The following DAB2IP variants were observed in gnomAD, a reference collection of about 807,000 sequenced individuals.
DAB2IP encodes the protein disabled homolog 2-interacting protein.
DAB2IP carries 28 observed loss-of-function variants against 107.2 expected under a neutral mutation model. The ratio of observed to expected loss-of-function variants is 0.26; its 90% CI spans 0.19 to 0.36. The LOEUF is 0.36. DAB2IP is among the 10% of genes least tolerant of loss of function. The probability of loss-of-function intolerance (pLI) is 1.00; values close to 1 mark genes in which losing one functional copy is unlikely to be tolerated. For synonymous variants in DAB2IP, 755 were observed against 706.4 expected (o/e 1.07, Z -1.09); for missense variants, 1,400 against 1,644.7 (o/e 0.85, Z 2.57).
rs563171091 is a variant in DAB2IP at position 121,615,411 on chromosome 9, G to A, written c.40+48183G>A. 6.6e-5 allele frequency among the ~76,000 whole-genome samples: 10 copies of A among 152,224 alleles called. No individual in the cohort carries two copies. In the South Asian group the frequency reaches 1.7e-3, roughly 25 times the overall value. On this transcript the variant is annotated intron_variant, in intron 1 of 16. Coordinates refer to the DAB2IP transcript ENST00000259371. ...TTTGCGACACTCCTGGAGAGGTGGCGTTGTAGACATCTATATAACAGTTTG... is the reference window on the plus strand; with the variant it reads ...TTTGCGACACTCCTGGAGAGGTGGCATTGTAGACATCTATATAACAGTTTG...
chr9:121,660,334 C>T (rs988577791), intron 1 of DAB2IP, among the ~76,000 whole-genome samples: 1 of 152,194 alleles, frequency 6.6e-6, no homozygotes, highest in Non-Finnish European at 1.5e-5. Context: ...CATCACCCAG[C>T]TACTGAGTGG....
At chr9:121,679,266 C>T (rs145282928) in intron 2 of DAB2IP, among the ~76,000 whole-genome samples, 155 of 152,184 alleles carry the variant, frequency 1.0e-3, no homozygotes, top group Non-Finnish European at 1.7e-3. Context: ...ACCGACAAAA[C>T]ACAGAATATA....
In DAB2IP at chr9:121,782,945, A is replaced by AC; in HGVS notation, c.*448dup. 6.9e-6 allele frequency: 7 copies of AC among 1,017,684 alleles called. 1 individual carries two copies. The highest frequency in any genetic ancestry group is 8.2e-6 in the Non-Finnish European group (7 of 849,670). The allele number at this position is 1,017,684 out of a possible 1,614,324, so 63.0% of individuals were successfully genotyped here. On this transcript the variant is annotated 3_prime_UTR_variant, in exon 16 of 16. Coordinates refer to ENST00000408936, the Ensembl canonical transcript of DAB2IP. This position sits in a 1 kb window ranked among gnomAD's most constrained non-coding sequence, Gnocchi z 6.1. The stretch of plus-strand genomic sequence containing the variant: ...CCCTCGCCTCCTTGGGGGGCCCGGG[A>AC]CTCCCTGGCAGCCAGGCCCTGTCAT...
rs73664514 is a variant in DAB2IP at position 121,723,593 on chromosome 9, A to T, written c.362+24135A>T. Among the ~76,000 whole-genome samples the T allele has an allele frequency of 1.0e-2, 1,517 of 152,274 alleles. 38 individuals are homozygous for T. Among genetic ancestry groups the T allele is most frequent in the African/African-American group, 0.035 (1,468 of 41,562 alleles). On this transcript the variant is annotated intron_variant, in intron 3 of 15. Transcript: ENST00000408936. ...GAGGAACTCTCCCCACCCTGGTTTC[A>T]CCTGATGGGTCTTGCAGCACCTCCT...
intron 14 of DAB2IP, among the ~76,000 whole-genome samples, chr9:121,780,394 C>T (rs1835525335): frequency 1.3e-5 from 2 of 152,302 alleles, no homozygotes; most frequent in African/African-American, 4.8e-5. Flanking sequence ...CCTGCTGCCC[C>T]CATTACAGTC....
At chr9:121,647,492 C>T (rs1227833030), upstream of DAB2IP, among the ~76,000 whole-genome samples, 1 of 152,192 alleles carries the variant, frequency 6.6e-6, no homozygotes, top group Non-Finnish European at 1.5e-5. Flanking sequence ...CCTGGCCTGG[C>T]CCATGATGTA....
At chr9:121,583,718 C>G (rs1830254061) in intron 1 of DAB2IP, among the ~76,000 whole-genome samples, 1 of 152,168 alleles carries the variant, frequency 6.6e-6, no homozygotes. Context: ...ACCTGCCATC[C>G]GTGGATCCCA....
intron 2 of DAB2IP, among the ~76,000 whole-genome samples, chr9:121,690,761 G>T (rs143626280): frequency 5.8e-4 from 89 of 152,278 alleles, no homozygotes; most frequent in African/African-American, 2.0e-3. Context: ...GACTCTCAGT[G>T]TTCCTTAGGG....
At chr9:121,685,520 T>A (rs1399842787) in intron 2 of DAB2IP, among the ~76,000 whole-genome samples, 1 of 152,184 alleles carries the variant, frequency 6.6e-6, no homozygotes, top group East Asian at 1.9e-4. Context: ...CAGTTGAGGA[T>A]CCCAGGCTTA....
At chr9:121,596,471 C>T (rs1253132758) in intron 1 of DAB2IP, among the ~76,000 whole-genome samples, 3 of 152,112 alleles carry the variant, frequency 2.0e-5, no homozygotes, top group African/African-American at 4.8e-5. Context: ...GCTATGATAG[C>T]GCCACTGCAC....
intron 2 of DAB2IP, among the ~76,000 whole-genome samples, chr9:121,682,826 C>G (rs1044920828): frequency 6.6e-6 from 1 of 152,168 alleles, no homozygotes; most frequent in Non-Finnish European, 1.5e-5. Flanking sequence ...AGGAGTGGAA[C>G]TTTTCTGCCT....
chr9:121,630,803 T>C (rs1831848798), intron 1 of DAB2IP, among the ~76,000 whole-genome samples: 1 of 152,056 alleles, frequency 6.6e-6, no homozygotes, highest in Non-Finnish European at 1.5e-5. Context: ...AGACAGGGTT[T>C]CACCATGTTG....
chr9:121,589,683 A>C (rs1364285339), intron 1 of DAB2IP, among the ~76,000 whole-genome samples: 4 of 152,078 alleles, frequency 2.6e-5, no homozygotes, highest in Non-Finnish European at 5.9e-5. Flanking sequence ...GCACAAAAGG[A>C]GCCGAATGAC....
upstream of DAB2IP, among the ~76,000 whole-genome samples, chr9:121,647,662 A>T (rs1832583230): frequency 6.6e-6 from 1 of 152,116 alleles, no homozygotes; most frequent in Admixed American, 6.5e-5. Context: ...AGTGGGGTAT[A>T]CCAGGAGCCA....
intron 6 of DAB2IP, 148 bp from the exon 7 acceptor site, chr9:121,763,357 T>C: frequency 8.6e-7 from 1 of 1,160,560 alleles, no homozygotes; most frequent in Non-Finnish European, 1.2e-6. Context: ...CCCCCAAAGG[T>C]GGGCACACTG....
intron 1 of DAB2IP, among the ~76,000 whole-genome samples, chr9:121,616,365 T>C (rs1831277418): frequency 6.6e-6 from 1 of 152,196 alleles, no homozygotes. Flanking sequence ...GCTGTCTTTA[T>C]TCTAGTGCCT....
At chr9:121,648,936 C>T (rs1213196041), upstream of DAB2IP, among the ~76,000 whole-genome samples, 1 of 152,158 alleles carries the variant, frequency 6.6e-6, no homozygotes, top group Non-Finnish European at 1.5e-5. Context: ...CACAGGGGCG[C>T]CGGCGGGAGG....
intron 3 of DAB2IP, chr9:121,742,931 C>T: frequency 1.0e-6 from 1 of 985,452 alleles, no homozygotes; most frequent in Non-Finnish European, 1.2e-6. Flanking sequence ...GGTGAGACTC[C>T]TCATCTTGCC....
chr9:121,644,027 G>A (rs1041132817), intron 1 of DAB2IP, among the ~76,000 whole-genome samples: 9 of 152,150 alleles, frequency 5.9e-5, no homozygotes, highest in Admixed American at 4.6e-4. Context: ...AAATTAGCCA[G>A]GCATGGTGGC....
Sources: gnomAD v4.1 joint callset for allele counts (sites outside exome capture counted in the v4.1 genomes callset) on GRCh38, gnomAD v4.1.1 for gene constraint, Gnocchi (gnomAD v3.1) non-coding constraint, MANE v1.5 for transcripts, NCBI Gene and HGNC (gene_info 2026-07-23, HGNC 2026-07-21) for gene names.